NEIL3: variants seen among roughly 807,000 people sequenced by gnomAD.
The protein encoded by NEIL3 is endonuclease 8-like 3.
A neutral mutation model predicts 57.5 loss-of-function variants in NEIL3; 48 were observed. The ratio of observed to expected loss-of-function variants is 0.83; its 90% CI spans 0.66 to 1.06. NEIL3 has a LOEUF of 1.06. Among genes scored for constraint, NEIL3 ranks in the 50% least tolerant of loss-of-function variants. The pLI, the probability that NEIL3 is intolerant of heterozygous loss-of-function variation, is 0.00. For synonymous variants in NEIL3, 261 were observed against 253.2 expected (o/e 1.03, Z -0.29); for missense variants, 717 against 739.1 (o/e 0.97, Z 0.35).
chr4:177,315,071 A>C (rs1734549609), intron 1 of NEIL3, among the ~76,000 whole-genome samples: 2 of 63,616 alleles, frequency 3.1e-5, no homozygotes, highest in African/African-American at 2.4e-4. Context: ...TCCGTCTCAA[A>C]AAAAAAAAAA....
chr4:177,355,090 A>G (rs549461894), intron 8 of NEIL3, among the ~76,000 whole-genome samples: 140 of 152,292 alleles, frequency 9.2e-4, no homozygotes, highest in African/African-American at 3.2e-3. Flanking sequence ...ACCCGATGTT[A>G]TATCTCCAAC....
At chr4:177,365,975 C>A (rs534821799), downstream of NEIL3, among the ~76,000 whole-genome samples, 1 of 152,102 alleles carries the variant, frequency 6.6e-6, no homozygotes, top group African/African-American at 2.4e-5. Flanking sequence ...GAAAGACAAC[C>A]AAGACCCACC....
intron 1 of NEIL3, among the ~76,000 whole-genome samples, chr4:177,317,901 A>G (rs1734605672): frequency 6.6e-6 from 1 of 152,048 alleles, no homozygotes; most frequent in Non-Finnish European, 1.5e-5. Context: ...CCATGGTTAG[A>G]ACTTGCTAAA....
intron 1 of NEIL3, among the ~76,000 whole-genome samples, chr4:177,315,538 A>C: frequency 6.6e-6 from 1 of 152,256 alleles, no homozygotes; most frequent in Middle Eastern, 3.2e-3. Flanking sequence ...AGCAAAGATA[A>C]CAGGCTTATG....
downstream of NEIL3, among the ~76,000 whole-genome samples, chr4:177,365,403 A>G (rs1006122156): frequency 1.3e-5 from 2 of 152,224 alleles, no homozygotes; most frequent in Non-Finnish European, 2.9e-5. Context: ...TGTGAATTAT[A>G]GGACAATAAA....
chr4:177,318,712 G>A (rs868704295), intron 1 of NEIL3, among the ~76,000 whole-genome samples: 5 of 152,134 alleles, frequency 3.3e-5, no homozygotes, highest in Admixed American at 6.5e-5. Flanking sequence ...ATTGCAACCC[G>A]TTGCACCCTC....
At chr4:177,317,030 A>AGCATCT (rs1734586534) in intron 1 of NEIL3, among the ~76,000 whole-genome samples, 1 of 152,226 alleles carries the variant, frequency 6.6e-6, no homozygotes, top group African/African-American at 2.4e-5. Flanking sequence ...AAGGTCATAT[A>AGCATCT]GCATCTGTAC....
In NEIL3 at chr4:177,362,276, T is replaced by C. The variant is rs1023034998; in HGVS notation, c.1636-13T>C. 57 of 1,587,140 alleles carry C rather than the reference T, an allele frequency of 3.6e-5. No individual in the cohort carries two copies. The highest frequency in any genetic ancestry group is 4.5e-5 in the Non-Finnish European group (53 of 1,168,626). ...TTTGTATAAACTTGTAAATTTACCTTTTTTTCCTGCAGTGGGCAGATTTGT... is the reference window on the plus strand; with the variant it reads ...TTTGTATAAACTTGTAAATTTACCTCTTTTTCCTGCAGTGGGCAGATTTGT... On this transcript the variant is annotated splice_polypyrimidine_tract_variant and intron_variant, in intron 9 of 9. Coordinates refer to ENST00000264596, the MANE Select transcript of NEIL3 (RefSeq NM_018248.3).
At chr4:177,368,575 A>G in the NEIL3 span, among the ~76,000 whole-genome samples, 1 of 152,160 alleles carries the variant, frequency 6.6e-6, no homozygotes, top group African/African-American at 2.4e-5. Flanking sequence ...CTTATTCTTC[A>G]CAGAATCTTA....
intron 1 of NEIL3, among the ~76,000 whole-genome samples, chr4:177,320,949 GTGTC>G (rs1227806671): frequency 6.6e-6 from 1 of 151,096 alleles, no homozygotes; most frequent in Admixed American, 6.6e-5. Flanking sequence ...TGGAAGAATA[GTGTC>G]TGTCTCTTTT....
intron 7 of NEIL3, among the ~76,000 whole-genome samples, chr4:177,352,843 G>A (rs76953903): frequency 4.9e-4 from 37 of 75,632 alleles, no homozygotes; most frequent in Non-Finnish European, 6.0e-4. Context: ...AAAAAAAAAA[G>A]AAGATGTTAA....
At chr4:177,326,632 G>C (rs1734784594) in intron 2 of NEIL3, among the ~76,000 whole-genome samples, 1 of 151,724 alleles carries the variant, frequency 6.6e-6, no homozygotes, top group Admixed American at 6.6e-5. Flanking sequence ...TGGATCTATA[G>C]ATCAATTAGG....
intron 7 of NEIL3, among the ~76,000 whole-genome samples, chr4:177,352,352 T>C (rs979199508): frequency 2.0e-5 from 3 of 152,162 alleles, no homozygotes; most frequent in Non-Finnish European, 2.9e-5. Context: ...GCGGAGCCCA[T>C]GGAAAAACAC....
chr4:177,310,131 C>T (rs1232980181), intron 1 of NEIL3, 22 bp downstream of exon 1: 5 of 1,535,768 alleles, frequency 3.3e-6, no homozygotes, highest in Non-Finnish European at 4.4e-6. Context: ...CTGTAACAGG[C>T]CATGCAGTCA....
chr4:177,309,897 C>T lies in NEIL3; in HGVS notation c.-57C>T, dbSNP rs1452038325. On this transcript the variant is annotated 5_prime_UTR_variant, in exon 1 of 10. Coordinates refer to ENST00000264596, the MANE Select transcript of NEIL3 (RefSeq NM_018248.3). ...TCAGTGCCCGCGCAGCGTTGAGTTG[C>T]ACAGCGGTATTCTCACCAGGCCCTG... 9 of 1,562,688 alleles carry T rather than the reference C, an allele frequency of 5.8e-6. No individual in the cohort carries two copies. The African/African-American group carries it at 1.1e-4, about 19-fold the overall frequency.
chr4:177,368,900 A>G, the NEIL3 span, among the ~76,000 whole-genome samples: 1 of 151,826 alleles, frequency 6.6e-6, no homozygotes, highest in Non-Finnish European at 1.5e-5. Context: ...ACACAGAAAT[A>G]ATGCTGCCTT....
At chr4:177,325,689 T>C (rs1188769160) in intron 2 of NEIL3, among the ~76,000 whole-genome samples, 1 of 152,072 alleles carries the variant, frequency 6.6e-6, no homozygotes, top group Non-Finnish European at 1.5e-5. Flanking sequence ...GTATGAGAAT[T>C]TCAGTTACTC....
the NEIL3 span, among the ~76,000 whole-genome samples, chr4:177,369,158 T>C: frequency 6.6e-6 from 1 of 152,124 alleles, no homozygotes; most frequent in African/African-American, 2.4e-5. Flanking sequence ...TTAAGCAAAG[T>C]GCTAAAGGTT....
downstream of NEIL3, among the ~76,000 whole-genome samples, chr4:177,364,938 A>AG (rs1735674459): frequency 6.6e-6 from 1 of 151,822 alleles, no homozygotes; most frequent in African/African-American, 2.4e-5. Flanking sequence ...AAAAAAAAAA[A>AG]AAATGCTGAG....
Sources: allele counts gnomAD v4.1 joint callset (sites outside exome capture counted in the v4.1 genomes callset), GRCh38; gene constraint gnomAD v4.1.1; transcripts MANE v1.5; gene names NCBI Gene and HGNC (gene_info 2026-07-23, HGNC 2026-07-21).